The following TAF6L variants were observed in gnomAD, a reference collection of about 807,000 sequenced individuals.
TAF6L encodes the protein TATA-box binding protein associated factor 6 like.
A neutral mutation model predicts 57.3 loss-of-function variants in TAF6L; 34 were observed. The ratio of observed to expected loss-of-function variants is 0.59; its 90% CI spans 0.45 to 0.79. The LOEUF is 0.79. Among genes scored for constraint, TAF6L ranks in the 30% least tolerant of loss-of-function variants. The pLI, the probability that TAF6L is intolerant of heterozygous loss-of-function variation, is 0.00. For missense variants in TAF6L, 782 were observed against 853.2 expected (o/e 0.92, Z 1.04); for synonymous variants, 417 against 376.3 (o/e 1.11, Z -1.25).
chr11:62,783,343 G>C (rs1389014319), intron 9 of TAF6L, among the ~76,000 whole-genome samples: 1 of 152,048 alleles, frequency 6.6e-6, no homozygotes, highest in Non-Finnish European at 1.5e-5. Context: ...TTAGCCTGGT[G>C]TGGTGGCGGG....
chr11:62,772,523 CAAA>C (rs556866279), intron 1 of TAF6L, among the ~76,000 whole-genome samples: 4 of 74,010 alleles, frequency 5.4e-5, no homozygotes, highest in Non-Finnish European at 5.7e-5. Context: ...ACTGTGTCTC[CAAA>C]AAAAAAAAAA....
At chr11:62,780,335 A>AC (rs770549921) in intron 6 of TAF6L, among the ~76,000 whole-genome samples, 7 of 149,760 alleles carry the variant, frequency 4.7e-5, no homozygotes, top group Non-Finnish European at 8.9e-5. Flanking sequence ...ACATGGTGAA[A>AC]CCCCGTCTCT....
chr11:62,783,021 G>C (rs1171450258), intron 9 of TAF6L, among the ~76,000 whole-genome samples, 196 bp downstream of exon 9: 1 of 152,220 alleles, frequency 6.6e-6, no homozygotes, highest in African/African-American at 2.4e-5. Flanking sequence ...CTATATGGCA[G>C]ATACTGATGT....
Position 62,786,405 on chromosome 11 carries a change from TC to T in TAF6L, c.1089+19del. ...GCCATTCTGGTGAGTACCGTCCCCT[TC>T]CAGCCTCCCTTCCCTGCATGAGCTT... is the stretch of plus-strand genomic sequence containing the variant. On this transcript the variant is annotated intron_variant, in intron 10 of 10. Coordinates refer to ENST00000294168, the MANE Select transcript of TAF6L (RefSeq NM_006473.4). The T allele has an allele frequency of 6.2e-7, 1 of 1,609,694 alleles. No individual in the cohort carries two copies. Among genetic ancestry groups the T allele is most frequent in the Non-Finnish European group, 8.5e-7 (1 of 1,176,230 alleles).
At chr11:62,777,461 G>T (rs2084196092) in intron 3 of TAF6L, among the ~76,000 whole-genome samples, 2 of 152,174 alleles carry the variant, frequency 1.3e-5, no homozygotes, top group South Asian at 4.1e-4. Context: ...GCCACTGGAG[G>T]CCCAGAGGTT....
chr11:62,780,893 C>T (rs11231215), intron 6 of TAF6L, among the ~76,000 whole-genome samples: 10,922 of 144,780 alleles, frequency 0.075, 442 homozygotes, highest in East Asian at 0.15. Context: ...GCCGAGATCG[C>T]GCCACCGCAC....
intron 1 of TAF6L, among the ~76,000 whole-genome samples, chr11:62,773,035 G>T (rs553692830): frequency 2.0e-5 from 3 of 151,690 alleles, no homozygotes; most frequent in South Asian, 4.2e-4. Context: ...TAGAGACAGG[G>T]TTTCACCGTG....
chr11:62,778,375 T>G, intron 5 of TAF6L, 40 bp downstream of exon 5: 1 of 1,612,866 alleles, frequency 6.2e-7, no homozygotes, highest in Non-Finnish European at 8.5e-7. Context: ...TGGATGAATT[T>G]TCTCCCTTAG....
chr11:62,786,281 C>T lies in TAF6L; in HGVS notation c.982C>T (p.Pro328Ser). 1 of 1,613,968 alleles carries T rather than the reference C, an allele frequency of 6.2e-7. No individual in the cohort carries two copies. Among genetic ancestry groups the T allele is most frequent in the Non-Finnish European group, 8.5e-7 (1 of 1,179,892 alleles). Residue 328 changes from proline (P) to serine (S), a missense_variant, in exon 10 of 11, where the codon CCA becomes TCA. Pro to Ser is a moderately conservative substitution (Grantham distance 74). Coordinates refer to ENST00000294168, the MANE Select transcript of TAF6L (RefSeq NM_006473.4). The part of the protein sequence containing the change: ...GWKAVERVLY[P>S]HLSTYWTNLQ... ...CCAGGCAGTAGAACGAGTCCTGTAC[C>T]CACACCTGTCCACCTACTGGACAAA...
chr11:62,773,933 C>T (rs2084167576), intron 1 of TAF6L, among the ~76,000 whole-genome samples: 1 of 151,966 alleles, frequency 6.6e-6, no homozygotes, highest in South Asian at 2.1e-4. Context: ...GTTCAAAGGT[C>T]CTAAAATAGG....
chr11:62,776,054 A>T, intron 2 of TAF6L, 124 bp downstream of exon 2: 1 of 1,262,400 alleles, frequency 7.9e-7, no homozygotes, highest in Non-Finnish European at 1.1e-6. Flanking sequence ...GAGACAGTCC[A>T]TGCCTTTACA....
rs970072398 is a variant in TAF6L, at chr11:62,776,070, C to T, written c.147+140C>T. On this transcript the variant is annotated intron_variant, in intron 2 of 10. Coordinates refer to ENST00000294168, the MANE Select transcript of TAF6L (RefSeq NM_006473.4). ...AGACAGTCCATGCCTTTACAGAACTCTACTTGTAGCTGTCTGGGCTTCCAG... is the reference window on the plus strand; with the variant it reads ...AGACAGTCCATGCCTTTACAGAACTTTACTTGTAGCTGTCTGGGCTTCCAG... 3.4e-6 allele frequency: 4 copies of T among 1,174,814 alleles called. No individual in the cohort carries two copies. In the African/African-American group the frequency reaches 6.2e-5, roughly 18 times the overall value. The allele number at this position is 1,174,814 out of a possible 1,614,324, so 72.8% of individuals were successfully genotyped here.
chr11:62,775,635 C>T (rs1033939089), intron 1 of TAF6L, 136 bp from the exon 2 acceptor site: 20 of 903,178 alleles, frequency 2.2e-5, no homozygotes, highest in Non-Finnish European at 3.3e-5. Context: ...TCACTTTCCT[C>T]ATCTGGGTAC....
At chr11:62,776,773 C>G (rs1414713699) in intron 3 of TAF6L, among the ~76,000 whole-genome samples, 2 of 150,784 alleles carry the variant, frequency 1.3e-5, no homozygotes, top group African/African-American at 4.9e-5. Flanking sequence ...ATCGCTTGAA[C>G]CTAGCAGGCA....
In TAF6L at chr11:62,782,786, C is replaced by T; in HGVS notation, c.921C>T (p.His307=). The change falls in exon 9 of 11, where the codon CAC becomes CAT. Residue 307 remains histidine (H), a synonymous_variant. Coordinates refer to ENST00000294168, the MANE Select transcript of TAF6L (RefSeq NM_006473.4). ...LADPVRPLCC[H]YGAVVGLHAL... is the part of the protein sequence containing the mutation. ...ATCCTGTGCGGCCGCTCTGCTGCCA[C>T]TATGGAGCCGTGGTGGGGCTGCATG... The T allele has an allele frequency of 1.2e-6, 2 of 1,613,800 alleles. No homozygotes were observed. Among genetic ancestry groups the T allele is most frequent in the Non-Finnish European group, 1.7e-6 (2 of 1,180,028 alleles).
intron 1 of TAF6L, among the ~76,000 whole-genome samples, chr11:62,772,781 G>A (rs1281763489): frequency 6.7e-6 from 1 of 148,532 alleles, no homozygotes; most frequent in African/African-American, 2.5e-5. Flanking sequence ...CTGGGTGACA[G>A]AGTGAGACAT....
intron 9 of TAF6L, among the ~76,000 whole-genome samples, chr11:62,784,994 G>A (rs2084259627): frequency 6.6e-6 from 1 of 152,028 alleles, no homozygotes; most frequent in Non-Finnish European, 1.5e-5. Flanking sequence ...ATAAGATTTA[G>A]ATCATCTTTT....
At chr11:62,784,463 T>C (rs1169014246) in intron 9 of TAF6L, among the ~76,000 whole-genome samples, 4 of 150,896 alleles carry the variant, frequency 2.7e-5, no homozygotes, top group African/African-American at 7.3e-5. Context: ...CCCGCCACCA[T>C]GCCCGGCTAA....
In TAF6L at chr11:62,775,819, C is replaced by A. The variant is rs111246317; in HGVS notation, c.36C>A (p.Ile12=). 3,609 of 1,612,324 alleles carry A rather than the reference C, an allele frequency of 2.2e-3. 7 individuals are homozygous for A. The highest frequency in any genetic ancestry group is 2.8e-3 in the Non-Finnish European group (3,315 of 1,179,900). Residue 12 remains isoleucine (I), a synonymous_variant, in exon 2 of 11, where the codon ATC becomes ATA. Transcript: ENST00000294168. ...GAGAAGAGCGGCGGTTTGTGGAGATCCCTCGGGAGTCTGTCCGGCTCATGG... is the reference window on the plus strand; with the variant it reads ...GAGAAGAGCGGCGGTTTGTGGAGATACCTCGGGAGTCTGTCCGGCTCATGG... ...SEREERRFVE[I]PRESVRLMAE... is the part of the protein sequence containing the mutation.
Sources: gnomAD v4.1 joint callset for allele counts (sites outside exome capture counted in the v4.1 genomes callset) on GRCh38, gnomAD v4.1.1 for gene constraint, MANE v1.5 for transcripts, NCBI Gene and HGNC (gene_info 2026-07-23, HGNC 2026-07-21) for gene names.